FHIP2A: variants seen among roughly 807,000 people sequenced by gnomAD.
FHIP2A encodes family with sequence similarity 160 member B1.
FHIP2A carries 46 observed loss-of-function variants against 93.5 expected under a neutral mutation model. The observed-to-expected ratio is 0.49, with a 90% confidence interval of 0.39 to 0.63. The LOEUF (loss-of-function observed/expected upper bound fraction) is 0.63. Among genes scored for constraint, FHIP2A ranks in the 20% least tolerant of loss-of-function variants. The probability of loss-of-function intolerance (pLI) is 0.00; values close to 1 mark genes in which losing one functional copy is unlikely to be tolerated. For missense variants in FHIP2A, 769 were observed against 909.7 expected, an observed-to-expected ratio of 0.85 and a Z score of 1.99; for synonymous variants, 332 against 326.5, an observed-to-expected ratio of 1.02 and a Z score of -0.18.
chr10:114,862,966 T>A lies in FHIP2A; in HGVS notation c.*1426T>A, dbSNP rs186324709. The A allele has an allele frequency of 1.0e-6, 1 of 985,460 alleles. No homozygotes were observed. The highest frequency in any genetic ancestry group is 1.1e-4 in the East Asian group (1 of 8,824). The allele number at this position is 985,460 out of a possible 1,614,324, so 61.0% of individuals were successfully genotyped here. A position where few individuals can be genotyped will look rare whatever the true frequency, so the allele number is the denominator to read the frequency against. On this transcript the variant is annotated 3_prime_UTR_variant, in exon 17 of 17. Coordinates refer to ENST00000369248, the MANE Select transcript of FHIP2A (RefSeq NM_020940.4). Reference sequence around the variant, plus strand: ...TGCATAGAGGCTTGTTTTACACCTATCTGCTCATTTTGTTGTGTTAGCTTT... The same window carrying A: ...TGCATAGAGGCTTGTTTTACACCTAACTGCTCATTTTGTTGTGTTAGCTTT...
intron 13 of FHIP2A, among the ~76,000 whole-genome samples, chr10:114,851,070 T>G (rs1488134590): frequency 6.6e-6 from 1 of 152,116 alleles, no homozygotes; most frequent in East Asian, 1.9e-4. Context: ...TGTGCCACCA[T>G]GCCAAACTAA....
chr10:114,894,024 A>G (rs2083988395), intron 16 of FHIP2A, among the ~76,000 whole-genome samples: 1 of 152,064 alleles, frequency 6.6e-6, no homozygotes, highest in African/African-American at 2.4e-5. Context: ...CATAGTGACC[A>G]TTTATCACTT....
At position 114,864,375 on chromosome 10, in the gene FHIP2A, A is replaced by T; in HGVS notation, c.*2835A>T. ...TTTTGGGTTATGTAGTAAATCAAAT[A>T]TGCATGTCATTGTGACACTTTATGT... On this transcript the variant is annotated 3_prime_UTR_variant, in exon 17 of 17. Coordinates refer to ENST00000369248, the MANE Select transcript of FHIP2A (RefSeq NM_020940.4). 2.0e-6 allele frequency: 2 copies of T among 985,662 alleles called. No individual in the cohort carries two copies. Among genetic ancestry groups the T allele is most frequent in the Non-Finnish European group, 2.4e-6 (2 of 829,722 alleles). 61.1% of individuals were successfully genotyped at this position (985,662 alleles called of 1,614,324 possible).
chr10:114,878,302 C>T (rs776447468), intron 16 of FHIP2A, among the ~76,000 whole-genome samples: 3 of 152,176 alleles, frequency 2.0e-5, no homozygotes, highest in African/African-American at 7.2e-5. Flanking sequence ...ATCAGTTTCA[C>T]GCCCACTGGC....
intron 13 of FHIP2A, 96 bp downstream of exon 13, chr10:114,848,833 ACTTCATT>A: frequency 1.3e-6 from 1 of 777,122 alleles, no homozygotes. Flanking sequence ...CAAGGAAATG[ACTTCATT>A]CTTATTAAAA....
intron 1 of FHIP2A, among the ~76,000 whole-genome samples, chr10:114,825,056 C>T (rs1418750097): frequency 6.6e-6 from 1 of 152,132 alleles, no homozygotes; most frequent in African/African-American, 2.4e-5. Flanking sequence ...GGGTCTCTGT[C>T]ACCCAGGCTA....
In FHIP2A at chr10:114,847,084, A is replaced by T; in HGVS notation, c.1569-6A>T. 3.1e-6 allele frequency: 5 copies of T among 1,598,322 alleles called. No individual in the cohort carries two copies. The highest frequency in any genetic ancestry group is 4.3e-6 in the Non-Finnish European group (5 of 1,172,632). The stretch of plus-strand genomic sequence containing the variant: ...TGCTTTTTATGTGTCATTAAATTTA[A>T]CTTAGAGATCTGGAAGAAGATCCAT... On this transcript the variant is annotated splice_polypyrimidine_tract_variant and splice_region_variant and intron_variant, in intron 11 of 16. Transcript: ENST00000369248.
At chr10:114,853,397 ATAGT>A (rs151305270) in intron 13 of FHIP2A, among the ~76,000 whole-genome samples, 3,387 of 152,292 alleles carry the variant, frequency 0.022, 122 homozygotes, top group African/African-American at 0.078. Flanking sequence ...GCATATGCAC[ATAGT>A]TAATTCATAA....
At position 114,863,337 on chromosome 10, in the gene FHIP2A, A is replaced by G; in HGVS notation, c.*1797A>G. Reference sequence around the variant, plus strand: ...GTCTACTTTGATATATGAGTATTTAAACTAAGGCATTAAGAGATATTAGAT... The same window carrying G: ...GTCTACTTTGATATATGAGTATTTAGACTAAGGCATTAAGAGATATTAGAT... On this transcript the variant is annotated 3_prime_UTR_variant, in exon 17 of 17. Transcript: ENST00000369248. The G allele has an allele frequency of 5.1e-6, 5 of 982,502 alleles. No homozygotes were observed. The highest frequency in any genetic ancestry group is 6.1e-6 in the Non-Finnish European group (5 of 826,360). 60.9% of individuals were successfully genotyped at this position (982,502 alleles called of 1,614,324 possible).
chr10:114,854,199 A>G (rs183845849), intron 13 of FHIP2A, among the ~76,000 whole-genome samples: 3 of 151,918 alleles, frequency 2.0e-5, no homozygotes, highest in Non-Finnish European at 4.4e-5. Context: ...AATGCAATAA[A>G]AATGAATTCC....
At chr10:114,841,553 A>G (rs1235604618) in intron 5 of FHIP2A, among the ~76,000 whole-genome samples, 5 of 152,114 alleles carry the variant, frequency 3.3e-5, no homozygotes, top group East Asian at 1.9e-4. Flanking sequence ...CAGCCTCTCA[A>G]AGTGCTGGGA....
At chr10:114,835,363 CATT>C (rs2083631204) in intron 3 of FHIP2A, among the ~76,000 whole-genome samples, 171 bp from the exon 4 acceptor site, 1 of 152,160 alleles carries the variant, frequency 6.6e-6, no homozygotes, top group African/African-American at 2.4e-5. Context: ...GAATACCTGT[CATT>C]AATATTTGAT....
rs763716278 is a variant in FHIP2A at position 114,861,223 on chromosome 10, T to C, written c.2089-8T>C. Reference sequence around the variant, plus strand: ...CAGGAACTGAAGTGCCTTGCCTCTGTGATGCAGGTTGTTGGAGACCTTATG... The same window carrying C: ...CAGGAACTGAAGTGCCTTGCCTCTGCGATGCAGGTTGTTGGAGACCTTATG... On this transcript the variant is annotated splice_region_variant and splice_polypyrimidine_tract_variant and intron_variant, in intron 15 of 16. Transcript: ENST00000369248. The C allele has an allele frequency of 1.2e-6, 2 of 1,613,854 alleles. No homozygotes were observed. The highest frequency in any genetic ancestry group is 2.7e-5 in the African/African-American group (2 of 74,918).
At chr10:114,891,572 T>C (rs982406498) in intron 16 of FHIP2A, among the ~76,000 whole-genome samples, 60 of 143,896 alleles carry the variant, frequency 4.2e-4, no homozygotes, top group African/African-American at 8.9e-4. Flanking sequence ...TGTGTGTGTG[T>C]GCACGCGTAT....
chr10:114,860,610 C>G (rs1352713751), intron 14 of FHIP2A, 139 bp from the exon 15 acceptor site: 3 of 680,504 alleles, frequency 4.4e-6, no homozygotes, highest in Non-Finnish European at 7.6e-6. Context: ...CCTCAGCCTC[C>G]CAAAGTACTG....
chr10:114,887,215 A>G (rs2083947643), intron 16 of FHIP2A, among the ~76,000 whole-genome samples: 1 of 152,222 alleles, frequency 6.6e-6, no homozygotes, highest in Non-Finnish European at 1.5e-5. Flanking sequence ...CAGGGAGAGT[A>G]CTGTCCAAAA....
At position 114,863,713 on chromosome 10, in the gene FHIP2A, C is replaced by T; in HGVS notation, c.*2173C>T. The T allele has an allele frequency of 7.7e-7, 1 of 1,299,354 alleles. No individual in the cohort carries two copies. Among genetic ancestry groups the T allele is most frequent in the Admixed American group, 2.4e-5 (1 of 42,424 alleles). The allele number at this position is 1,299,354 out of a possible 1,614,324, so 80.5% of individuals were successfully genotyped here. Reference sequence around the variant, plus strand: ...AATTTGTTAGTGAAACATTGTACTGCATCACCAGTTTTTCTTACCTTCTGT... The same window carrying T: ...AATTTGTTAGTGAAACATTGTACTGTATCACCAGTTTTTCTTACCTTCTGT... On this transcript the variant is annotated 3_prime_UTR_variant, in exon 17 of 17. Coordinates refer to ENST00000369248, the MANE Select transcript of FHIP2A (RefSeq NM_020940.4).
At chr10:114,837,960 A>G (rs2083645756) in intron 5 of FHIP2A, among the ~76,000 whole-genome samples, 1 of 152,216 alleles carries the variant, frequency 6.6e-6, no homozygotes, top group South Asian at 2.1e-4. Flanking sequence ...ATTGTTAATG[A>G]AACCACTAAG....
chr10:114,847,929 A>G (rs1358692828), intron 12 of FHIP2A, among the ~76,000 whole-genome samples: 1 of 152,094 alleles, frequency 6.6e-6, no homozygotes, highest in Non-Finnish European at 1.5e-5. Context: ...GAGTGCTGGG[A>G]TTACAGGCAT....
Sources: allele counts gnomAD v4.1 joint callset (sites outside exome capture counted in the v4.1 genomes callset), GRCh38; gene constraint gnomAD v4.1.1; transcripts MANE v1.5; gene names NCBI Gene and HGNC (gene_info 2026-07-23, HGNC 2026-07-21).